Variants in PRKAR1A observed in about 807,000 individuals in gnomAD.
PRKAR1A encodes protein kinase cAMP-dependent type I regulatory subunit alpha, also known as cAMP-dependent protein kinase type I-alpha regulatory subunit.
Under a neutral mutation model 52.0 loss-of-function variants are expected in PRKAR1A, and 3 were observed. That is an observed-to-expected ratio of 0.06 (90% CI 0.03 to 0.15). PRKAR1A has a LOEUF of 0.15. PRKAR1A is among the 10% of genes least tolerant of loss of function. PRKAR1A has a pLI of 1.00. For synonymous variants in PRKAR1A, 188 were observed against 168.4 expected (o/e 1.12, Z -0.90); for missense variants, 240 against 477.4 (o/e 0.50, Z 4.63).
chr17:68,474,516 G>A, the PRKAR1A span, among the ~76,000 whole-genome samples: 4 of 152,182 alleles, frequency 2.6e-5, no homozygotes, highest in Admixed American at 1.3e-4. Context: ...AAGGCAGCGC[G>A]GCCTTGGGCT....
At chr17:68,463,305 A>G in the PRKAR1A span, among the ~76,000 whole-genome samples, 4 of 151,912 alleles carry the variant, frequency 2.6e-5, no homozygotes, top group Non-Finnish European at 4.4e-5. Flanking sequence ...TTTTTCCAAA[A>G]CCTCTTTACT....
At chr17:68,488,972 C>A in the PRKAR1A span, among the ~76,000 whole-genome samples, 1 of 150,780 alleles carries the variant, frequency 6.6e-6, no homozygotes. Flanking sequence ...AAGCACTTTA[C>A]ACAATTTTTA....
chr17:68,423,853 G>T, the PRKAR1A span, among the ~76,000 whole-genome samples: 4 of 152,162 alleles, frequency 2.6e-5, no homozygotes, highest in Non-Finnish European at 5.9e-5. The surrounding 1 kb of genome is among the most constrained non-coding windows in gnomAD (Gnocchi z 4.4). Flanking sequence ...GTAACTATAA[G>T]AGGTTGCAAG....
intron 2 of PRKAR1A, among the ~76,000 whole-genome samples, chr17:68,518,949 G>GCATA (rs996585258): frequency 2.6e-5 from 4 of 152,176 alleles, no homozygotes; most frequent in Admixed American, 2.0e-4. Flanking sequence ...CAGTCTCTTT[G>GCATA]CATAGCGAGA....
chr17:68,537,208 C>T (rs535079025), downstream of PRKAR1A: 29 of 617,964 alleles, frequency 4.7e-5, no homozygotes, highest in South Asian at 3.2e-4. The surrounding 1 kb of genome is among the most constrained non-coding windows in gnomAD (Gnocchi z 4.2). Flanking sequence ...ACCCAGATTT[C>T]CCAGTGCACT....
At chr17:68,428,691 C>A in the PRKAR1A span, 2 of 653,964 alleles carry the variant, frequency 3.1e-6, no homozygotes, top group Non-Finnish European at 5.4e-6. Context: ...GAGCACTTGC[C>A]CACTAGAGGT....
At chr17:68,498,900 A>G in the PRKAR1A span, among the ~76,000 whole-genome samples, 1 of 152,212 alleles carries the variant, frequency 6.6e-6, no homozygotes, top group Non-Finnish European at 1.5e-5. Flanking sequence ...CTCAGGTGGA[A>G]GTCCAAGTTC....
the PRKAR1A span, chr17:68,430,238 T>C: frequency 6.9e-7 from 1 of 1,448,048 alleles, no homozygotes. Flanking sequence ...CACCCAAGCG[T>C]CATTAGCCAC....
chr17:68,434,277 T>G, the PRKAR1A span, among the ~76,000 whole-genome samples: 1 of 152,172 alleles, frequency 6.6e-6, no homozygotes, highest in Admixed American at 6.5e-5. Flanking sequence ...ATTTTTGGAT[T>G]GTGACTCCCT....
the PRKAR1A span, among the ~76,000 whole-genome samples, chr17:68,480,649 G>T: frequency 1.3e-5 from 2 of 152,236 alleles, no homozygotes; most frequent in African/African-American, 4.8e-5. Flanking sequence ...CTGGGCTCAA[G>T]TGATCCTCCT....
At chr17:68,523,691 T>C in intron 3 of PRKAR1A, 34 bp from the exon 4 acceptor site, 1 of 1,554,120 alleles carries the variant, frequency 6.4e-7, no homozygotes, top group Non-Finnish European at 8.9e-7. Context: ...TTTTGGTTTA[T>C]GGAATTGTCA....
chr17:68,489,198 A>ATATATATGGAAAG, the PRKAR1A span, among the ~76,000 whole-genome samples: 1,761 of 35,858 alleles, frequency 0.049, 398 homozygotes, highest in East Asian at 0.1. Flanking sequence ...ATATATATAT[A>ATATATATGGAAAG]TATATATATA....
At chr17:68,471,443 T>C in the PRKAR1A span, among the ~76,000 whole-genome samples, 1 of 152,174 alleles carries the variant, frequency 6.6e-6, no homozygotes, top group Admixed American at 6.5e-5. Flanking sequence ...CCCCCAGACA[T>C]AGACCTTGAT....
the PRKAR1A span, among the ~76,000 whole-genome samples, chr17:68,494,886 G>C: frequency 6.6e-6 from 1 of 152,136 alleles, no homozygotes; most frequent in Non-Finnish European, 1.5e-5. Context: ...CTCCACAAAT[G>C]AGATATAATT....
At chr17:68,461,873 G>A in the PRKAR1A span, among the ~76,000 whole-genome samples, 5 of 152,128 alleles carry the variant, frequency 3.3e-5, no homozygotes, top group Non-Finnish European at 5.9e-5. The surrounding 1 kb of genome is among the most constrained non-coding windows in gnomAD (Gnocchi z 4.6). Context: ...GGAGATGATC[G>A]AACTGATTGG....
At position 68,533,263 on chromosome 17, in the gene PRKAR1A, G is replaced by A. The variant is rs1489876372; in HGVS notation, c.*2814G>A. ...ATTAAGTTGTATTCATTAGTGTATT[G>A]GTATTTCTTCACATCCAGTGAAATT... On this transcript the variant is annotated 3_prime_UTR_variant, in exon 11 of 11. Coordinates refer to ENST00000589228, the MANE Select transcript of PRKAR1A (RefSeq NM_002734.5). The A allele has an allele frequency of 5.6e-6, 6 of 1,062,744 alleles. No individual in the cohort carries two copies. Among genetic ancestry groups the A allele is most frequent in the South Asian group, 4.6e-5 (1 of 21,932 alleles). The allele number at this position is 1,062,744 out of a possible 1,614,324, so 65.8% of individuals were successfully genotyped here.
chr17:68,525,995 G>T, intron 7 of PRKAR1A, 83 bp downstream of exon 7: 2 of 1,484,026 alleles, frequency 1.3e-6, no homozygotes, highest in Non-Finnish European at 1.8e-6. Flanking sequence ...ATTAAAAAGA[G>T]AATATTTCTT....
chr17:68,513,905 A>G (rs766260401), intron 1 of PRKAR1A, among the ~76,000 whole-genome samples: 18 of 152,146 alleles, frequency 1.2e-4, no homozygotes, highest in African/African-American at 3.1e-4. Flanking sequence ...AAATATGACA[A>G]TGCTTTGAAG....
chr17:68,524,184 C>T, intron 5 of PRKAR1A, 107 bp downstream of exon 5: 2 of 995,170 alleles, frequency 2.0e-6, no homozygotes, highest in Non-Finnish European at 2.9e-6. Flanking sequence ...GATCCTACCA[C>T]TTTTTTTTTT....
Sources: gnomAD v4.1 joint callset for allele counts (sites outside exome capture counted in the v4.1 genomes callset) on GRCh38, gnomAD v4.1.1 for gene constraint, Gnocchi (gnomAD v3.1) non-coding constraint, MANE v1.5 for transcripts, NCBI Gene and HGNC (gene_info 2026-07-23, HGNC 2026-07-21) for gene names.